Variants in PDE4D observed in about 807,000 individuals in gnomAD.
The protein encoded by PDE4D is phosphodiesterase 4D.
A neutral mutation model predicts 87.4 loss-of-function variants in PDE4D; 24 were observed. The observed-to-expected ratio is 0.27, with a 90% confidence interval of 0.20 to 0.39. The LOEUF (loss-of-function observed/expected upper bound fraction) is 0.39, where lower values mean the gene tolerates loss of function less well. Among genes scored for constraint, PDE4D ranks in the 10% least tolerant of loss-of-function variants. The pLI is 1.00. For missense variants in PDE4D, 714 were observed against 1,041.0 expected (o/e 0.69, Z 4.32); for synonymous variants, 384 against 383.2 (o/e 1.00, Z -0.02).
intron 1 of PDE4D, among the ~76,000 whole-genome samples, chr5:59,830,342 C>T (rs1387458930): frequency 6.6e-6 from 1 of 151,750 alleles, no homozygotes; most frequent in Non-Finnish European, 1.5e-5. Context: ...TATTTTTAAG[C>T]CTAAACTATA....
chr5:59,038,810 T>G (rs1232281143), intron 6 of PDE4D, 49 bp downstream of exon 6: 3 of 1,416,244 alleles, frequency 2.1e-6, no homozygotes, highest in South Asian at 1.5e-5. Flanking sequence ...CTCGCCGGCA[T>G]GGGAATCAGC....
intron 1 of PDE4D, among the ~76,000 whole-genome samples, chr5:59,545,651 A>G (rs537504338): frequency 2.2e-4 from 34 of 152,348 alleles, no homozygotes; most frequent in Non-Finnish European, 3.4e-4. Context: ...TTACTCTAGC[A>G]TCAATTTTTA....
intron 1 of PDE4D, among the ~76,000 whole-genome samples, chr5:59,712,649 T>G (rs1754382066): frequency 6.7e-6 from 1 of 150,220 alleles, no homozygotes; most frequent in Non-Finnish European, 1.5e-5. Flanking sequence ...ATAATAATTA[T>G]AATAATATAT....
intron 1 of PDE4D, chr5:59,276,129 A>G: frequency 2.0e-6 from 2 of 977,674 alleles, no homozygotes; most frequent in Non-Finnish European, 2.4e-6. Flanking sequence ...AAGGAAAAAA[A>G]AAAAAAAAAA....
intron 2 of PDE4D, among the ~76,000 whole-genome samples, chr5:60,078,601 A>G (rs1021111560): frequency 2.0e-5 from 3 of 151,942 alleles, no homozygotes; most frequent in African/African-American, 7.3e-5. Flanking sequence ...TGTGTTCTCA[A>G]TGTTCAACCC....
At chr5:60,132,057 TA>T (rs1457955558) in intron 2 of PDE4D, among the ~76,000 whole-genome samples, 1 of 152,226 alleles carries the variant, frequency 6.6e-6, no homozygotes, top group African/African-American at 2.4e-5. Flanking sequence ...CCATTCTCTT[TA>T]TTGTTGTGCA....
intron 2 of PDE4D, among the ~76,000 whole-genome samples, chr5:60,060,869 A>C (rs1508861): frequency 0.15 from 22,999 of 151,978 alleles, 1,782 homozygotes; most frequent in Middle Eastern, 0.22. Context: ...AGACCTTCGA[A>C]AAAATTCAAC....
Position 59,056,602 on chromosome 5 carries a change from C to T in PDE4D, c.809-17631G>A, listed in dbSNP as rs575047592. Among the ~76,000 whole-genome samples the T allele has an allele frequency of 1.2e-4, 19 of 152,066 alleles. 1 individual carries two copies. In the East Asian group the frequency reaches 3.7e-3, roughly 29 times the overall value. ...TACTAATGTTCTTCCTCCCCTTGCT[C>T]CCCCAACCCCCACCAGGCCCCAGTG... is the stretch of plus-strand genomic sequence containing the variant. On this transcript the variant is annotated intron_variant, in intron 5 of 14. Coordinates refer to ENST00000340635, the MANE Select transcript of PDE4D (RefSeq NM_001104631.2).
chr5:59,034,621 C>T (rs1758172246), intron 6 of PDE4D, among the ~76,000 whole-genome samples: 1 of 152,170 alleles, frequency 6.6e-6, no homozygotes, highest in Admixed American at 6.5e-5. Context: ...TGAGACAAAG[C>T]ACCCAGCAAA....
intron 1 of PDE4D, among the ~76,000 whole-genome samples, chr5:60,493,605 C>A (rs1215768959): frequency 1.3e-5 from 2 of 151,944 alleles, no homozygotes; most frequent in African/African-American, 4.8e-5. Flanking sequence ...TTCATTCATT[C>A]ATTCATTCAT....
At chr5:60,406,071 T>G (rs1371137631) in intron 1 of PDE4D, among the ~76,000 whole-genome samples, 1 of 152,006 alleles carries the variant, frequency 6.6e-6, no homozygotes, top group African/African-American at 2.4e-5. Flanking sequence ...TTACAACATT[T>G]CCATTCTCAT....
intron 1 of PDE4D, among the ~76,000 whole-genome samples, chr5:59,845,495 G>A (rs1743704654): frequency 2.6e-5 from 4 of 152,088 alleles, no homozygotes; most frequent in Admixed American, 2.6e-4. Context: ...GCCTCAGAGA[G>A]GTGAAGTTCT....
At chr5:59,357,003 C>T (rs923158772) in intron 1 of PDE4D, 29 of 884,924 alleles carry the variant, frequency 3.3e-5, no homozygotes, top group Non-Finnish European at 1.2e-5. Flanking sequence ...AGATGGCAGG[C>T]TGGCTGAGGC....
intron 1 of PDE4D, among the ~76,000 whole-genome samples, chr5:60,389,991 C>T (rs1454970715): frequency 3.9e-5 from 6 of 152,238 alleles, no homozygotes; most frequent in Admixed American, 3.9e-4. Context: ...ACTATTCTCT[C>T]TCGCTCTCAT....
At chr5:59,287,508 T>C (rs766636182) in intron 1 of PDE4D, among the ~76,000 whole-genome samples, 18 of 152,034 alleles carry the variant, frequency 1.2e-4, no homozygotes, top group Non-Finnish European at 2.2e-4. Flanking sequence ...AAGGGAAGGA[T>C]ACAAGCCTGG....
chr5:59,688,521 T>C (rs1487380303), intron 1 of PDE4D, among the ~76,000 whole-genome samples: 1 of 152,016 alleles, frequency 6.6e-6, no homozygotes, highest in South Asian at 2.1e-4. Context: ...TTGAAACCAA[T>C]GAGAACAAAG....
At chr5:60,479,675 T>C (rs1748582273) in intron 1 of PDE4D, among the ~76,000 whole-genome samples, 1 of 152,196 alleles carries the variant, frequency 6.6e-6, no homozygotes. Context: ...CACTCAATTC[T>C]GCCCTTACAG....
chr5:59,073,652 G>A (rs1298945848), intron 5 of PDE4D, among the ~76,000 whole-genome samples: 2 of 152,082 alleles, frequency 1.3e-5, no homozygotes, highest in Non-Finnish European at 1.5e-5. Context: ...CAGGCGGTTG[G>A]TGCTTCAAGG....
intron 1 of PDE4D, among the ~76,000 whole-genome samples, chr5:59,483,030 T>C (rs1804533988): frequency 6.6e-6 from 1 of 152,162 alleles, no homozygotes; most frequent in Middle Eastern, 3.2e-3. Flanking sequence ...AAGGCCTGCA[T>C]AGAACATAAA....
Sources: gnomAD v4.1 joint callset for allele counts (sites outside exome capture counted in the v4.1 genomes callset) on GRCh38, gnomAD v4.1.1 for gene constraint, MANE v1.5 for transcripts, NCBI Gene and HGNC (gene_info 2026-07-23, HGNC 2026-07-21) for gene names.